The following RNGTT variants were observed in gnomAD, a reference collection of about 807,000 sequenced individuals.
The protein encoded by RNGTT is mRNA-capping enzyme.
RNGTT carries 33 observed loss-of-function variants against 79.3 expected under a neutral mutation model. That is an observed-to-expected ratio of 0.42 (90% CI 0.32 to 0.56). RNGTT has a LOEUF of 0.56. Among genes scored for constraint, RNGTT ranks in the 20% least tolerant of loss-of-function variants. The pLI is 0.17. For missense variants in RNGTT, 497 were observed against 739.1 expected (o/e 0.67, Z 3.80); for synonymous variants, 222 against 235.9 (o/e 0.94, Z 0.54).
chr6:88,910,309 C>T (rs892407465), intron 4 of RNGTT, among the ~76,000 whole-genome samples: 3 of 152,120 alleles, frequency 2.0e-5, no homozygotes, highest in Admixed American at 2.0e-4. Context: ...CAATTCACCA[C>T]AGGAATTTCA....
chr6:88,865,514 C>A (rs1040261688), intron 8 of RNGTT, among the ~76,000 whole-genome samples: 3 of 152,040 alleles, frequency 2.0e-5, no homozygotes. Flanking sequence ...AAAGGTTACC[C>A]ACAGACCACA....
rs562623372 is a variant in RNGTT at position 88,683,104 on chromosome 6, C to G, written c.1440-4685G>C. Reference sequence around the variant, plus strand: ...TTAGAAAAATGACAGTAACTGAAACCCAACAAAAATAGAAGCAAAGAGATA... The same window carrying G: ...TTAGAAAAATGACAGTAACTGAAACGCAACAAAAATAGAAGCAAAGAGATA... On this transcript the variant is annotated intron_variant, in intron 13 of 15. Coordinates refer to ENST00000369485, the MANE Select transcript of RNGTT (RefSeq NM_003800.5). Among the ~76,000 whole-genome samples the G allele has an allele frequency of 7.9e-5, 12 of 151,816 alleles. No individual in the cohort carries two copies. In the East Asian group the frequency reaches 2.3e-3, roughly 29 times the overall value.
intron 14 of RNGTT, among the ~76,000 whole-genome samples, chr6:88,630,526 G>T (rs1582253653): frequency 1.3e-5 from 2 of 152,150 alleles, no homozygotes; most frequent in Admixed American, 1.3e-4. Flanking sequence ...ACACAGCCTG[G>T]AGTTTCACTA....
chr6:88,716,045 G>A (rs1253732089), intron 13 of RNGTT, among the ~76,000 whole-genome samples: 4 of 151,590 alleles, frequency 2.6e-5, no homozygotes, highest in African/African-American at 9.8e-5. Flanking sequence ...CAAAATGGGA[G>A]AAAATTTTCG....
In RNGTT at chr6:88,609,988, ACTG is replaced by A. The variant is rs371814430; in HGVS notation, c.*2728_*2730del. Among the ~76,000 whole-genome samples the A allele has an allele frequency of 3.3e-5, 5 of 152,228 alleles. No homozygotes were observed. Among genetic ancestry groups the A allele is most frequent in the African/African-American group, 7.2e-5 (3 of 41,452 alleles). On this transcript the variant is annotated 3_prime_UTR_variant, in exon 16 of 16. Transcript: ENST00000369485. ...AACAGAATATCTACTCATACAGTAG[ACTG>A]CTAAGATTAGATGAAGAGAAATAAT...
At chr6:88,700,689 C>T (rs1314536771) in intron 13 of RNGTT, among the ~76,000 whole-genome samples, 1 of 152,076 alleles carries the variant, frequency 6.6e-6, no homozygotes, top group East Asian at 1.9e-4. Context: ...TGTGGTGAAG[C>T]TGTGGAAAGG....
chr6:88,828,793 T>A (rs1464602641), intron 11 of RNGTT, among the ~76,000 whole-genome samples: 1 of 151,696 alleles, frequency 6.6e-6, no homozygotes, highest in East Asian at 2.0e-4. Flanking sequence ...TATCAGAGAT[T>A]GAAGATCAAC....
At chr6:88,913,214 CA>C (rs58717773) in intron 4 of RNGTT, among the ~76,000 whole-genome samples, 39 of 65,536 alleles carry the variant, frequency 6.0e-4, no homozygotes, top group South Asian at 3.0e-3. Flanking sequence ...CAAAAAAAAA[CA>C]AAAAAAAAAA....
At chr6:88,862,265 AC>A (rs1175354907) in intron 8 of RNGTT, among the ~76,000 whole-genome samples, 1 of 152,070 alleles carries the variant, frequency 6.6e-6, no homozygotes, top group African/African-American at 2.4e-5. Flanking sequence ...TTTCAACACC[AC>A]CCCACATCTT....
intron 2 of RNGTT, 44 bp downstream of exon 2, chr6:88,941,027 C>A: frequency 8.4e-7 from 1 of 1,183,512 alleles, no homozygotes; most frequent in Admixed American, 1.8e-5. Context: ...CAAGACTGAA[C>A]AAAGTATATT....
intron 11 of RNGTT, 74 bp from the exon 12 acceptor site, chr6:88,801,706 C>A: frequency 2.0e-6 from 2 of 1,013,452 alleles, no homozygotes; most frequent in Non-Finnish European, 3.0e-6. Flanking sequence ...TCTTGCTAAG[C>A]TTTATAAAAA....
At chr6:88,741,174 A>AACAATG (rs1194088021) in intron 13 of RNGTT, among the ~76,000 whole-genome samples, 2 of 152,222 alleles carry the variant, frequency 1.3e-5, no homozygotes, top group Non-Finnish European at 2.9e-5. Flanking sequence ...TATTCACAAT[A>AACAATG]ACAATGACAT....
At chr6:88,677,409 A>G (rs1774916844) in intron 14 of RNGTT, among the ~76,000 whole-genome samples, 1 of 152,124 alleles carries the variant, frequency 6.6e-6, no homozygotes, top group African/African-American at 2.4e-5. Context: ...CAAGCATGTC[A>G]TAATTTATCA....
At chr6:88,736,672 G>C (rs1777297281) in intron 13 of RNGTT, among the ~76,000 whole-genome samples, 2 of 152,154 alleles carry the variant, frequency 1.3e-5, no homozygotes, top group African/African-American at 4.8e-5. Flanking sequence ...CAAAAGATGA[G>C]GGCTTTCTGA....
chr6:88,725,252 T>TAACCC (rs918148212), intron 13 of RNGTT, among the ~76,000 whole-genome samples: 3 of 152,136 alleles, frequency 2.0e-5, no homozygotes, highest in African/African-American at 7.2e-5. Flanking sequence ...GTGTGAGGAA[T>TAACCC]AACCCAAGCC....
intron 12 of RNGTT, among the ~76,000 whole-genome samples, chr6:88,777,076 CT>C: frequency 6.6e-6 from 1 of 152,264 alleles, no homozygotes; most frequent in African/African-American, 2.4e-5. Context: ...GATATTCAAG[CT>C]TCCCCAACAT....
At chr6:88,942,880 G>A (rs1784894682) in intron 1 of RNGTT, among the ~76,000 whole-genome samples, 1 of 152,078 alleles carries the variant, frequency 6.6e-6, no homozygotes, top group Non-Finnish European at 1.5e-5. Context: ...AAAACAACTG[G>A]TCACTTTTTG....
At chr6:88,870,709 A>G (rs1045002401) in intron 8 of RNGTT, among the ~76,000 whole-genome samples, 6 of 152,262 alleles carry the variant, frequency 3.9e-5, no homozygotes, top group African/African-American at 1.4e-4. Flanking sequence ...AATAATTCAG[A>G]TGCAATGCAC....
rs1335556190 is a variant in RNGTT, at chr6:88,963,435, T to TC, written c.-27dup. 10 of 1,539,824 alleles carry TC rather than the reference T, an allele frequency of 6.5e-6. No homozygotes were observed. The highest frequency in any genetic ancestry group is 8.8e-6 in the Non-Finnish European group (10 of 1,139,010). The stretch of plus-strand genomic sequence containing the variant: ...GTCTTGGGGCTGCGCAGAGCTGCCC[T>TC]CCCTCACCAACGTTCACCGCGCCTT... On this transcript the variant is annotated 5_prime_UTR_variant, in exon 1 of 16. Coordinates refer to ENST00000369485, the MANE Select transcript of RNGTT (RefSeq NM_003800.5).
Sources: gnomAD v4.1 joint callset for allele counts (sites outside exome capture counted in the v4.1 genomes callset) on GRCh38, gnomAD v4.1.1 for gene constraint, MANE v1.5 for transcripts, NCBI Gene and HGNC (gene_info 2026-07-23, HGNC 2026-07-21) for gene names.